Variants in ETV6 observed in about 807,000 individuals in gnomAD.
ETV6 encodes ETS variant transcription factor 6.
A neutral mutation model predicts 51.1 loss-of-function variants in ETV6; 16 were observed. That is an observed-to-expected ratio of 0.31 (90% CI 0.21 to 0.48). The LOEUF (loss-of-function observed/expected upper bound fraction) is 0.48. Ranked by LOEUF, ETV6 falls within the 20% of genes least tolerant of loss-of-function variation. ETV6 has a pLI of 0.99. For synonymous variants in ETV6, 240 were observed against 224.1 expected, an observed-to-expected ratio of 1.07 and a Z score of -0.64; for missense variants, 458 against 594.8, an observed-to-expected ratio of 0.77 and a Z score of 2.39.
rs536919977 is a variant in ETV6 at position 11,864,971 on chromosome 12, G to T, written c.464-4453G>T. 1.4e-4 allele frequency among the ~76,000 whole-genome samples: 21 copies of T among 152,230 alleles called. No individual in the cohort carries two copies. The East Asian group carries it at 3.3e-3, about 24-fold the overall frequency. On this transcript the variant is annotated intron_variant, in intron 4 of 7. Transcript: ENST00000396373. ...TTTCCCTTGTAAATAGTATCAACAG[G>T]CTGGGCGCGGTGGCTCATGCCTGTA...
chr12:11,741,449 T>C (rs948898833), intron 1 of ETV6, among the ~76,000 whole-genome samples: 1 of 152,234 alleles, frequency 6.6e-6, no homozygotes, highest in African/African-American at 2.4e-5. Flanking sequence ...TTTCCTTTCC[T>C]CTTCCTTGTT....
At chr12:11,801,986 G>A (rs957103130) in intron 2 of ETV6, among the ~76,000 whole-genome samples, 3 of 152,150 alleles carry the variant, frequency 2.0e-5, no homozygotes, top group Admixed American at 1.3e-4. Flanking sequence ...ACATTCCTTC[G>A]GTGGGGCACT....
intron 2 of ETV6, among the ~76,000 whole-genome samples, chr12:11,782,912 CTA>C (rs771516639): frequency 2.0e-5 from 3 of 152,032 alleles, no homozygotes; most frequent in Non-Finnish European, 2.9e-5. Context: ...GAAAAGATGA[CTA>C]GGGTATGCCA....
chr12:11,698,225 T>C (rs2724656), intron 1 of ETV6, among the ~76,000 whole-genome samples: 149,158 of 152,320 alleles, frequency 0.98, 73,096 homozygotes, highest in East Asian at 1. Flanking sequence ...TTTTGTACCA[T>C]GTGGGTCTGC....
Position 11,781,246 on chromosome 12 carries a change from G to A in ETV6, c.163+28667G>A, listed in dbSNP as rs561222067. ...TGATATATTTCAACTTGTCATCCACGTCACGACTGTCTCTTTAGCATCCCA... is the reference window on the plus strand; with the variant it reads ...TGATATATTTCAACTTGTCATCCACATCACGACTGTCTCTTTAGCATCCCA... On this transcript the variant is annotated intron_variant, in intron 2 of 7. Coordinates refer to ENST00000396373, the MANE Select transcript of ETV6 (RefSeq NM_001987.5). Among the ~76,000 whole-genome samples the A allele has an allele frequency of 3.3e-5, 5 of 152,248 alleles. No individual in the cohort carries two copies. The East Asian group carries it at 5.8e-4, about 18-fold the overall frequency.
chr12:11,652,149 A>G (rs942674011), intron 1 of ETV6, among the ~76,000 whole-genome samples: 1 of 152,230 alleles, frequency 6.6e-6, no homozygotes, highest in African/African-American at 2.4e-5. Context: ...CTTCTATGTA[A>G]TTAAAATAGA....
chr12:11,871,623 G>A (rs994664692), intron 5 of ETV6, among the ~76,000 whole-genome samples: 5 of 152,102 alleles, frequency 3.3e-5, no homozygotes, highest in Admixed American at 6.5e-5. Flanking sequence ...AAATAAAATG[G>A]CAAACAAAAA....
At position 11,680,970 on chromosome 12, in the gene ETV6, A is replaced by G. The variant is rs112776425; in HGVS notation, c.33+30810A>G. ...GGGTAGACAAGGAAAATGTTGCACC[A>G]TCATATATAGGTAGGTAGGAGACTT... On this transcript the variant is annotated intron_variant, in intron 1 of 7. Transcript: ENST00000396373. Among the ~76,000 whole-genome samples, 865 of 152,268 alleles carry G rather than the reference A, an allele frequency of 5.7e-3. 6 individuals carry two copies. The highest frequency in any genetic ancestry group is 0.02 in the African/African-American group (827 of 41,546).
rs1179735059 is a variant in ETV6, at chr12:11,893,162, T to A, written c.*2116T>A. ...CCTCTAAGATGACTGGTATTCTATCTGAAATGCAGAGATTAAGCCAAATAC... is the reference window on the plus strand; with the variant it reads ...CCTCTAAGATGACTGGTATTCTATCAGAAATGCAGAGATTAAGCCAAATAC... On this transcript the variant is annotated 3_prime_UTR_variant, in exon 8 of 8. Transcript: ENST00000396373. The A allele has an allele frequency of 4.3e-6, 1 of 232,694 alleles. No homozygotes were observed. The highest frequency in any genetic ancestry group is 8.5e-6 in the Non-Finnish European group (1 of 117,794). The allele number at this position is 232,694 out of a possible 1,614,324, so 14.4% of individuals were successfully genotyped here.
At chr12:11,661,602 T>C (rs946366738) in intron 1 of ETV6, among the ~76,000 whole-genome samples, 2 of 152,240 alleles carry the variant, frequency 1.3e-5, no homozygotes, top group African/African-American at 2.4e-5. Context: ...ATGACCTGAT[T>C]TGGCTGACTA....
chr12:11,806,236 A>C (rs1945828397), intron 2 of ETV6, among the ~76,000 whole-genome samples: 2 of 152,220 alleles, frequency 1.3e-5, no homozygotes, highest in African/African-American at 4.8e-5. Flanking sequence ...AAGTCACTGT[A>C]GCCCCCTAGG....
At chr12:11,813,963 G>A (rs1003898922) in intron 2 of ETV6, among the ~76,000 whole-genome samples, 1 of 152,144 alleles carries the variant, frequency 6.6e-6, no homozygotes, top group Admixed American at 6.5e-5. Flanking sequence ...ATTCTTACAA[G>A]GCATGAATTA....
At chr12:11,780,075 C>T (rs1311065518) in intron 2 of ETV6, among the ~76,000 whole-genome samples, 3 of 152,194 alleles carry the variant, frequency 2.0e-5, no homozygotes, top group Non-Finnish European at 4.4e-5. Flanking sequence ...AATTAGAAAC[C>T]ATTCCTTTTC....
At chr12:11,820,528 G>A (rs183516283) in intron 2 of ETV6, among the ~76,000 whole-genome samples, 17 of 152,334 alleles carry the variant, frequency 1.1e-4, no homozygotes, top group Non-Finnish European at 2.1e-4. Flanking sequence ...GGAGTGTCCA[G>A]GGAGGACTTG....
chr12:11,682,075 G>A (rs941003072), intron 1 of ETV6, among the ~76,000 whole-genome samples: 2 of 152,144 alleles, frequency 1.3e-5, no homozygotes, highest in Admixed American at 6.5e-5. Flanking sequence ...TACCCTTTGG[G>A]TATATACCTA....
In ETV6 at chr12:11,869,463, A is replaced by C; in HGVS notation, c.503A>C (p.Asn168Thr). 1.9e-6 allele frequency: 3 copies of C among 1,613,902 alleles called. No individual in the cohort carries two copies. Among genetic ancestry groups the C allele is most frequent in the Non-Finnish European group, 2.5e-6 (3 of 1,179,920 alleles). The change falls in exon 5 of 8, where the codon AAT becomes ACT. Residue 168 changes from asparagine (N) to threonine (T), a missense_variant. Coordinates refer to ENST00000396373, the MANE Select transcript of ETV6 (RefSeq NM_001987.5). The surrounding 1 kb of genome is among the most constrained non-coding windows in gnomAD (Gnocchi z 5.0). ...AGGACCCCCAGGCCATCCGTGGATA[A>C]TGTGCACCATAACCCTCCCACCATT... ...VQRTPRPSVD[N>T]VHHNPPTIEL...
intron 2 of ETV6, among the ~76,000 whole-genome samples, chr12:11,830,340 AG>A: frequency 6.6e-6 from 1 of 152,336 alleles, no homozygotes; most frequent in African/African-American, 2.4e-5. Flanking sequence ...CCTTTAACCC[AG>A]GGGAAGTTCA....
intron 2 of ETV6, among the ~76,000 whole-genome samples, chr12:11,804,631 C>T (rs533706844): frequency 6.6e-6 from 1 of 152,334 alleles, no homozygotes; most frequent in Non-Finnish European, 1.5e-5. Context: ...AGAAGCTTCC[C>T]CAACAGCATT....
intron 1 of ETV6, among the ~76,000 whole-genome samples, chr12:11,652,332 C>A (rs962030634): frequency 6.6e-6 from 1 of 152,114 alleles, no homozygotes. Context: ...AGATCAAGGA[C>A]TGGGATTATT....
Sources: gnomAD v4.1 joint callset for allele counts (sites outside exome capture counted in the v4.1 genomes callset) on GRCh38, gnomAD v4.1.1 for gene constraint, Gnocchi (gnomAD v3.1) non-coding constraint, MANE v1.5 for transcripts, NCBI Gene and HGNC (gene_info 2026-07-23, HGNC 2026-07-21) for gene names.